The following C3orf33 variants were observed in gnomAD, a reference collection of about 807,000 sequenced individuals.
C3orf33 encodes the protein AP-1 activity suppressor.
Under a neutral mutation model 28.7 loss-of-function variants are expected in C3orf33, and 23 were observed. The observed-to-expected ratio is 0.80, with a 90% confidence interval of 0.58 to 1.13. C3orf33 has a LOEUF of 1.13. Among genes scored for constraint, C3orf33 ranks in the 50% most tolerant of loss-of-function variants. The probability of loss-of-function intolerance (pLI) is 0.00; values close to 1 mark genes in which losing one functional copy is unlikely to be tolerated. For missense variants in C3orf33, 327 were observed against 353.4 expected, an observed-to-expected ratio of 0.93 and a Z score of 0.60; for synonymous variants, 119 against 120.5, an observed-to-expected ratio of 0.99 and a Z score of 0.08.
At chr3:155,766,875 G>A (rs1448113524) in intron 4 of C3orf33, among the ~76,000 whole-genome samples, 1 of 152,140 alleles carries the variant, frequency 6.6e-6, no homozygotes, top group African/African-American at 2.4e-5. Context: ...GCTTAAACCT[G>A]GGAGGCAGAG....
intron 2 of C3orf33, among the ~76,000 whole-genome samples, chr3:155,801,676 T>C (rs946634237): frequency 6.6e-6 from 1 of 152,018 alleles, no homozygotes; most frequent in Non-Finnish European, 1.5e-5. Flanking sequence ...GTCAAAATCA[T>C]GGAGACAGAA....
At chr3:155,782,517 A>C (rs918833490) in intron 2 of C3orf33, among the ~76,000 whole-genome samples, 5 of 152,244 alleles carry the variant, frequency 3.3e-5, no homozygotes, top group African/African-American at 1.2e-4. Flanking sequence ...GCAATTTGTC[A>C]CATAAAAGGA....
intron 3 of C3orf33, among the ~76,000 whole-genome samples, chr3:155,770,412 A>G (rs1476597421): frequency 2.0e-5 from 3 of 152,216 alleles, no homozygotes; most frequent in Non-Finnish European, 4.4e-5. Context: ...GCAGAGCCAA[A>G]AAAATCCTGT....
intron 2 of C3orf33, among the ~76,000 whole-genome samples, chr3:155,793,828 CT>C (rs1751391164): frequency 1.0e-5 from 1 of 96,944 alleles, no homozygotes; most frequent in Non-Finnish European, 2.0e-5. Context: ...AAAAAAAAAA[CT>C]AAAAAAACTA....
At chr3:155,799,614 G>A (rs1305455945) in intron 2 of C3orf33, among the ~76,000 whole-genome samples, 3 of 152,088 alleles carry the variant, frequency 2.0e-5, no homozygotes, top group Non-Finnish European at 2.9e-5. Context: ...GCTTGAGCCC[G>A]CAAGACCAAG....
chr3:155,789,832 T>G (rs1006362113), intron 2 of C3orf33, among the ~76,000 whole-genome samples: 3 of 152,124 alleles, frequency 2.0e-5, no homozygotes, highest in African/African-American at 4.8e-5. Context: ...TAAATGATTT[T>G]CAACAAGGGT....
intron 3 of C3orf33, 34 bp downstream of exon 3, chr3:155,775,667 A>G: frequency 7.2e-7 from 1 of 1,386,760 alleles, no homozygotes; most frequent in South Asian, 1.4e-5. Context: ...GAAGACCACA[A>G]TAGTTAGTTT....
intron 3 of C3orf33, among the ~76,000 whole-genome samples, chr3:155,769,395 C>T (rs372245153): frequency 4.2e-5 from 6 of 143,044 alleles, no homozygotes; most frequent in South Asian, 2.2e-4. Flanking sequence ...GGCTGAGGCA[C>T]GAGAATCACT....
chr3:155,772,028 AC>A (rs1225272442), intron 3 of C3orf33, among the ~76,000 whole-genome samples: 3 of 151,608 alleles, frequency 2.0e-5, no homozygotes, highest in Admixed American at 6.6e-5. Context: ...ACACAGCAAG[AC>A]CCCCTTTCTA....
At chr3:155,777,826 G>A (rs893667615) in intron 2 of C3orf33, among the ~76,000 whole-genome samples, 29 of 152,192 alleles carry the variant, frequency 1.9e-4, no homozygotes, top group African/African-American at 6.7e-4. Flanking sequence ...CTCTAAAAAT[G>A]TCAGCATCAT....
intron 4 of C3orf33, among the ~76,000 whole-genome samples, chr3:155,766,016 G>T (rs1052331399): frequency 1.3e-5 from 2 of 152,120 alleles, no homozygotes; most frequent in African/African-American, 4.8e-5. Context: ...AATTAAAATG[G>T]TTAAAATTCT....
intron 2 of C3orf33, among the ~76,000 whole-genome samples, chr3:155,800,451 A>T (rs1281930507): frequency 1.3e-5 from 2 of 151,770 alleles, no homozygotes; most frequent in African/African-American, 4.8e-5. Flanking sequence ...AGAAAAATTA[A>T]AAATTAGCCA....
chr3:155,796,811 G>A (rs1751487122), intron 2 of C3orf33, among the ~76,000 whole-genome samples: 1 of 152,172 alleles, frequency 6.6e-6, no homozygotes, highest in Non-Finnish European at 1.5e-5. Flanking sequence ...ATATTAAAAA[G>A]ATCTTTGACC....
intron 2 of C3orf33, among the ~76,000 whole-genome samples, chr3:155,791,159 G>A (rs1159010754): frequency 2.0e-5 from 3 of 152,200 alleles, no homozygotes; most frequent in African/African-American, 4.8e-5. Context: ...GCACTAGGCA[G>A]AGGACGAAGA....
chr3:155,799,915 G>A (rs1751590970), intron 2 of C3orf33, among the ~76,000 whole-genome samples: 2 of 152,002 alleles, frequency 1.3e-5, no homozygotes, highest in African/African-American at 4.8e-5. Flanking sequence ...GCCAGAACCT[G>A]GGAAGGGTAG....
rs143104963 is a variant in C3orf33, at chr3:155,769,085, G to T, written c.323-1416C>A. Among the ~76,000 whole-genome samples the T allele has an allele frequency of 4.0e-3, 614 of 152,260 alleles. 4 individuals carry two copies. The highest frequency in any genetic ancestry group is 0.014 in the African/African-American group (570 of 41,544). On this transcript the variant is annotated intron_variant, in intron 3 of 4. Transcript: ENST00000340171. ...CCCAGCACTTTGGGAGGCTGAGGCA[G>T]GTGGATCACCTGAGGTTAGGAATTC...
intron 2 of C3orf33, among the ~76,000 whole-genome samples, chr3:155,780,992 CT>C (rs746458091): frequency 2.3e-3 from 318 of 141,036 alleles, no homozygotes; most frequent in Middle Eastern, 7.2e-3. Context: ...CTCTAGACTT[CT>C]TTTTTTTTTT....
At chr3:155,791,571 C>G (rs1751316603) in intron 2 of C3orf33, among the ~76,000 whole-genome samples, 1 of 151,998 alleles carries the variant, frequency 6.6e-6, no homozygotes, top group African/African-American at 2.4e-5. Flanking sequence ...ATTTCTGGAT[C>G]TGCCCTGGGC....
intron 2 of C3orf33, among the ~76,000 whole-genome samples, chr3:155,794,840 C>T (rs1751430977): frequency 6.6e-6 from 1 of 152,004 alleles, no homozygotes; most frequent in African/African-American, 2.4e-5. Context: ...ATAAAGGGGT[C>T]AATTCAGCAA....
Sources: gnomAD v4.1 joint callset for allele counts (sites outside exome capture counted in the v4.1 genomes callset) on GRCh38, gnomAD v4.1.1 for gene constraint, MANE v1.5 for transcripts, NCBI Gene and HGNC (gene_info 2026-07-23, HGNC 2026-07-21) for gene names.